Variants in MAP7 observed in about 807,000 individuals in gnomAD.
The protein encoded by MAP7 is microtubule associated protein 7, also known as ensconsin.
Under a neutral mutation model 94.8 loss-of-function variants are expected in MAP7, and 52 were observed. The ratio of observed to expected loss-of-function variants is 0.55; its 90% confidence interval spans 0.44 to 0.69. The LOEUF (loss-of-function observed/expected upper bound fraction) is 0.69, where lower values mean the gene tolerates loss of function less well. Among genes scored for constraint, MAP7 ranks in the 30% least tolerant of loss-of-function variants. The probability of loss-of-function intolerance (pLI) is 0.00; values close to 1 mark genes in which losing one functional copy is unlikely to be tolerated. For synonymous variants in MAP7, 350 were observed against 357.0 expected, an observed-to-expected ratio of 0.98 and a Z score of 0.22; for missense variants, 940 against 964.6, an observed-to-expected ratio of 0.97 and a Z score of 0.34.
At chr6:136,450,823 G>A (rs1384531454) in intron 1 of MAP7, among the ~76,000 whole-genome samples, 1 of 151,888 alleles carries the variant, frequency 6.6e-6, no homozygotes, top group Non-Finnish European at 1.5e-5. Context: ...TTTCTGTGAA[G>A]AGGAGGCATT....
At chr6:136,409,708 C>A (rs1786813294) in intron 3 of MAP7, among the ~76,000 whole-genome samples, 1 of 152,198 alleles carries the variant, frequency 6.6e-6, no homozygotes, top group Admixed American at 6.5e-5. Flanking sequence ...CTGGCGCATA[C>A]CCACTCACAG....
At chr6:136,353,792 A>G (rs1789945225) in intron 16 of MAP7, among the ~76,000 whole-genome samples, 1 of 152,122 alleles carries the variant, frequency 6.6e-6, no homozygotes, top group African/African-American at 2.4e-5. Context: ...AACTCAAGTG[A>G]TCTTCCCACC....
chr6:136,538,021 A>G (rs1375428525), intron 1 of MAP7, among the ~76,000 whole-genome samples: 1 of 152,210 alleles, frequency 6.6e-6, no homozygotes, highest in Admixed American at 6.5e-5. Context: ...ACCTCGGGTG[A>G]TCAGCCGGCC....
At chr6:136,510,069 G>T (rs1822797381) in intron 1 of MAP7, among the ~76,000 whole-genome samples, 1 of 152,166 alleles carries the variant, frequency 6.6e-6, no homozygotes, top group Admixed American at 6.5e-5. Flanking sequence ...AGGTGTGGTG[G>T]CGTGTGCCTG....
intron 3 of MAP7, among the ~76,000 whole-genome samples, chr6:136,409,703 G>A (rs574777913): frequency 2.0e-5 from 3 of 152,302 alleles, no homozygotes; most frequent in Non-Finnish European, 2.9e-5. Flanking sequence ...TGCCCCTGGC[G>A]CATACCCACT....
intron 1 of MAP7, among the ~76,000 whole-genome samples, chr6:136,528,587 C>T (rs1335161612): frequency 6.6e-6 from 1 of 152,200 alleles, no homozygotes; most frequent in Non-Finnish European, 1.5e-5. Flanking sequence ...AATAAGCATA[C>T]TTGAAACTAC....
intron 7 of MAP7, among the ~76,000 whole-genome samples, chr6:136,377,229 A>G (rs1344708507): frequency 1.3e-5 from 2 of 152,212 alleles, no homozygotes; most frequent in South Asian, 2.1e-4. Context: ...AAATAAGCAT[A>G]TTACAATTAG....
At chr6:136,403,135 T>C (rs1162339065) in intron 3 of MAP7, among the ~76,000 whole-genome samples, 4 of 152,046 alleles carry the variant, frequency 2.6e-5, no homozygotes, top group Admixed American at 2.0e-4. Flanking sequence ...CTGTCCTACT[T>C]AGCCCCACCC....
At chr6:136,543,071 C>T (rs1273675156) in intron 1 of MAP7, among the ~76,000 whole-genome samples, 64 of 152,172 alleles carry the variant, frequency 4.2e-4, no homozygotes, top group Admixed American at 4.2e-3. Flanking sequence ...TAAAGTTAAA[C>T]ATACAGTTAC....
At chr6:136,494,852 TC>T (rs1308460703) in intron 1 of MAP7, among the ~76,000 whole-genome samples, 1 of 152,194 alleles carries the variant, frequency 6.6e-6, no homozygotes, top group Admixed American at 6.5e-5. Context: ...ACAGAATATT[TC>T]CTTGAGAGCC....
intron 13 of MAP7, 43 bp downstream of exon 13, chr6:136,360,654 G>A (rs1416460573): frequency 6.4e-7 from 1 of 1,568,506 alleles, no homozygotes; most frequent in Non-Finnish European, 8.8e-7. Context: ...GGTCTTAGAG[G>A]TGCAAGTTCG....
chr6:136,518,801 T>C (rs1377531997), intron 1 of MAP7, among the ~76,000 whole-genome samples: 2 of 152,176 alleles, frequency 1.3e-5, no homozygotes, highest in Non-Finnish European at 2.9e-5. Context: ...CTATAATCTT[T>C]TAATAAATAA....
chr6:136,509,100 A>G (rs1822464956), intron 1 of MAP7, among the ~76,000 whole-genome samples: 1 of 152,234 alleles, frequency 6.6e-6, no homozygotes, highest in African/African-American at 2.4e-5. Context: ...CACAATAAAT[A>G]ACCAAGAAAT....
chr6:136,524,777 A>AT (rs1827365730), intron 1 of MAP7, among the ~76,000 whole-genome samples: 1 of 152,264 alleles, frequency 6.6e-6, no homozygotes, highest in African/African-American at 2.4e-5. Context: ...ACTGGATTCT[A>AT]TTTAACACTC....
chr6:136,549,889 G>A (rs1169238856), intron 1 of MAP7, among the ~76,000 whole-genome samples: 1 of 152,210 alleles, frequency 6.6e-6, no homozygotes, highest in Non-Finnish European at 1.5e-5. Context: ...CACCCGGGGC[G>A]ACCAGGGAAG....
intron 3 of MAP7, among the ~76,000 whole-genome samples, chr6:136,409,373 C>T (rs1004235205): frequency 6.6e-6 from 1 of 151,884 alleles, no homozygotes; most frequent in Non-Finnish European, 1.5e-5. Context: ...GCCTGGGCAA[C>T]ATAACAAGAT....
intron 1 of MAP7, among the ~76,000 whole-genome samples, chr6:136,452,734 G>A (rs997706719): frequency 2.0e-5 from 3 of 152,016 alleles, no homozygotes; most frequent in Non-Finnish European, 4.4e-5. Flanking sequence ...TGTATTTTTA[G>A]TAGAGATAGG....
chr6:136,442,532 G>A (rs995717223), intron 1 of MAP7, among the ~76,000 whole-genome samples: 1 of 151,894 alleles, frequency 6.6e-6, no homozygotes, highest in Non-Finnish European at 1.5e-5. Flanking sequence ...TTTTAACACA[G>A]CGTGGTCCAG....
intron 1 of MAP7, among the ~76,000 whole-genome samples, chr6:136,478,929 ACTT>A (rs1429689490): frequency 6.7e-6 from 1 of 150,172 alleles, no homozygotes; most frequent in Non-Finnish European, 1.5e-5. Flanking sequence ...AGGAGGGAGT[ACTT>A]CCAAAGTCAT....
Sources: gnomAD v4.1 joint callset for allele counts (sites outside exome capture counted in the v4.1 genomes callset) on GRCh38, gnomAD v4.1.1 for gene constraint, MANE v1.5 for transcripts, NCBI Gene and HGNC (gene_info 2026-07-23, HGNC 2026-07-21) for gene names.